Variants in LUZP2 observed in about 807,000 individuals in gnomAD.
LUZP2 encodes leucine zipper protein 2.
In LUZP2, 52 loss-of-function variants were observed where a neutral mutation model predicts 51.6. The ratio of observed to expected loss-of-function variants is 1.01; its 90% CI spans 0.81 to 1.27. The LOEUF is 1.27. Ranked by LOEUF, LUZP2 falls within the 50% of genes most tolerant of loss-of-function variation. The pLI is 0.00. For missense variants in LUZP2, 436 were observed against 395.4 expected (o/e 1.10, Z -0.87); for synonymous variants, 154 against 137.3 (o/e 1.12, Z -0.85).
intron 4 of LUZP2, among the ~76,000 whole-genome samples, chr11:24,760,401 G>T (rs562917960): frequency 5.9e-5 from 9 of 151,986 alleles, no homozygotes; most frequent in Non-Finnish European, 1.3e-4. Context: ...TTTACTTTTG[G>T]GTTACAGTGG....
intron 6 of LUZP2, among the ~76,000 whole-genome samples, chr11:24,907,912 A>G (rs188097208): frequency 6.6e-6 from 1 of 152,230 alleles, no homozygotes; most frequent in African/African-American, 2.4e-5. Context: ...CATGCCTACT[A>G]TTGAAATGTA....
intron 1 of LUZP2, among the ~76,000 whole-genome samples, chr11:24,505,193 T>C (rs1408074425): frequency 3.3e-5 from 5 of 152,104 alleles, no homozygotes; most frequent in African/African-American, 9.7e-5. Context: ...CTCCAGAGGG[T>C]TATGATGGTT....
intron 5 of LUZP2, among the ~76,000 whole-genome samples, chr11:24,774,867 A>G (rs960239677): frequency 6.8e-6 from 1 of 146,108 alleles, no homozygotes; most frequent in African/African-American, 2.5e-5. Context: ...TAAAGAATAT[A>G]TATGTATATT....
At chr11:24,497,995 C>G (rs1359684945) in intron 1 of LUZP2, among the ~76,000 whole-genome samples, 3 of 152,186 alleles carry the variant, frequency 2.0e-5, no homozygotes, top group African/African-American at 7.2e-5. Context: ...ATGGATGGGA[C>G]TTTAAGCCCC....
chr11:24,991,801 C>G (rs534744296), intron 9 of LUZP2, among the ~76,000 whole-genome samples: 1 of 151,760 alleles, frequency 6.6e-6, no homozygotes, highest in East Asian at 1.9e-4. Flanking sequence ...GGTTTTGAAT[C>G]GCATTTCCCT....
chr11:24,498,149 G>A (rs1849886609), intron 1 of LUZP2, among the ~76,000 whole-genome samples: 1 of 152,174 alleles, frequency 6.6e-6, no homozygotes, highest in Non-Finnish European at 1.5e-5. Flanking sequence ...GGACTGTTTA[G>A]TTGCCCAGGA....
At chr11:24,967,248 G>A (rs908744732) in intron 7 of LUZP2, among the ~76,000 whole-genome samples, 1 of 151,810 alleles carries the variant, frequency 6.6e-6, no homozygotes, top group Non-Finnish European at 1.5e-5. Flanking sequence ...ATTACAGTCT[G>A]TTTGTATTTT....
At chr11:24,853,731 G>T (rs1459216486) in intron 5 of LUZP2, among the ~76,000 whole-genome samples, 2 of 152,010 alleles carry the variant, frequency 1.3e-5, no homozygotes, top group Non-Finnish European at 2.9e-5. Flanking sequence ...CAGATGTTTT[G>T]CTCTGTTTTT....
intron 5 of LUZP2, among the ~76,000 whole-genome samples, chr11:24,776,994 G>GTTTT (rs34070504): frequency 1.5e-5 from 2 of 136,796 alleles, no homozygotes; most frequent in Non-Finnish European, 1.6e-5. Flanking sequence ...ACTGTAAGTA[G>GTTTT]TTTTTTTTTT....
intron 7 of LUZP2, among the ~76,000 whole-genome samples, chr11:24,963,481 C>T (rs1446774616): frequency 6.6e-6 from 1 of 152,184 alleles, no homozygotes; most frequent in Admixed American, 6.5e-5. Flanking sequence ...GGGTGCCCCT[C>T]CCCCAGCCCC....
In LUZP2 at chr11:24,512,059, A is replaced by G. The variant is rs12419889; in HGVS notation, c.62+14754A>G. Among the ~76,000 whole-genome samples, 1,283 of 152,266 alleles carry G rather than the reference A, an allele frequency of 8.4e-3. 62 individuals are homozygous for G. The East Asian group carries it at 0.13, about 16-fold the overall frequency. On this transcript the variant is annotated intron_variant, in intron 1 of 11. Coordinates refer to ENST00000336930, the MANE Select transcript of LUZP2 (RefSeq NM_001009909.4). ...GAAAGTTGAAGGAGTTTCTCTGTAT[A>G]CTTTTGTCCAACTGGGAGAGGGATG...
At chr11:24,507,237 A>G (rs1363115144) in intron 1 of LUZP2, among the ~76,000 whole-genome samples, 1 of 152,080 alleles carries the variant, frequency 6.6e-6, no homozygotes, top group Non-Finnish European at 1.5e-5. Context: ...CTTCCTATGT[A>G]TATGAGAGCT....
intron 4 of LUZP2, among the ~76,000 whole-genome samples, chr11:24,750,849 C>T (rs187530662): frequency 3.8e-4 from 58 of 152,204 alleles, no homozygotes; most frequent in Non-Finnish European, 7.8e-4. Flanking sequence ...AGATAAGTGA[C>T]ATATACTAAT....
intron 5 of LUZP2, among the ~76,000 whole-genome samples, chr11:24,886,046 G>T (rs1010319652): frequency 2.0e-5 from 3 of 152,072 alleles, no homozygotes; most frequent in Non-Finnish European, 4.4e-5. Context: ...GCTGGTGGTG[G>T]CTTTAGTTAA....
intron 1 of LUZP2, among the ~76,000 whole-genome samples, chr11:24,517,441 C>G (rs1331919628): frequency 7.5e-6 from 1 of 132,548 alleles, no homozygotes; most frequent in African/African-American, 2.9e-5. Context: ...AGCCAAGATC[C>G]CGCCACTGCA....
intron 9 of LUZP2, among the ~76,000 whole-genome samples, chr11:24,995,767 CA>C (rs1590814166): frequency 6.6e-6 from 1 of 151,806 alleles, no homozygotes; most frequent in East Asian, 1.9e-4. Flanking sequence ...CAATGGTTAT[CA>C]GCATGCTCTA....
rs118026456 is a variant in LUZP2 at position 24,500,716 on chromosome 11, G to T, written c.62+3411G>T. On this transcript the variant is annotated intron_variant, in intron 1 of 11. Transcript: ENST00000336930. ...TAAGGAGAGAGACATGGCAGGGGAG[G>T]AGTGAAGGTCTATTGACTTCTGGTG... Among the ~76,000 whole-genome samples the T allele has an allele frequency of 3.2e-3, 488 of 152,248 alleles. 3 individuals carry two copies. Among genetic ancestry groups the T allele is most frequent in the Non-Finnish European group, 4.6e-3 (315 of 68,010 alleles).
At chr11:25,000,910 C>A (rs1041020043) in intron 9 of LUZP2, among the ~76,000 whole-genome samples, 3 of 123,836 alleles carry the variant, frequency 2.4e-5, no homozygotes, top group African/African-American at 7.4e-5. Flanking sequence ...TCTGAGAAAT[C>A]TTTTGAGAGT....
intron 9 of LUZP2, among the ~76,000 whole-genome samples, chr11:25,014,191 A>G (rs576479033): frequency 9.9e-5 from 15 of 152,280 alleles, no homozygotes; most frequent in African/African-American, 3.4e-4. Context: ...GCTATTGTGA[A>G]TAGTGCCACA....
Sources: gnomAD v4.1 joint callset for allele counts (sites outside exome capture counted in the v4.1 genomes callset) on GRCh38, gnomAD v4.1.1 for gene constraint, MANE v1.5 for transcripts, NCBI Gene and HGNC (gene_info 2026-07-23, HGNC 2026-07-21) for gene names.